GMPS: variants seen among roughly 807,000 people sequenced by gnomAD.
GMPS encodes GMP synthase [glutamine-hydrolyzing].
A neutral mutation model predicts 77.9 loss-of-function variants in GMPS; 15 were observed. The observed-to-expected ratio is 0.19, with a 90% CI of 0.13 to 0.30. The LOEUF (loss-of-function observed/expected upper bound fraction) is 0.30. Ranked by LOEUF, GMPS falls within the 10% of genes least tolerant of loss-of-function variation. GMPS has a pLI of 1.00. For missense variants in GMPS, 590 were observed against 838.8 expected (o/e 0.70, Z 3.66); for synonymous variants, 224 against 275.9 (o/e 0.81, Z 1.86).
chr3:155,894,963 T>G (rs1321241174), intron 2 of GMPS, among the ~76,000 whole-genome samples: 1 of 151,936 alleles, frequency 6.6e-6, no homozygotes, highest in Non-Finnish European at 1.5e-5. Context: ...ATCAAAAAAC[T>G]CTGTGATAAA....
rs138942034 is a variant in GMPS at position 155,897,314 on chromosome 3, A to G, written c.210-613A>G. On this transcript the variant is annotated intron_variant, in intron 2 of 15. Transcript: ENST00000496455. ...AGTTAACCCATGCTCTGCAAATTAT[A>G]AGATAGCTAAATTATACTACTGACC... is the stretch of plus-strand genomic sequence containing the variant. Among the ~76,000 whole-genome samples, 10 of 152,278 alleles carry G rather than the reference A, an allele frequency of 6.6e-5. No homozygotes were observed. The East Asian group carries it at 1.9e-3, about 29-fold the overall frequency.
intron 3 of GMPS, among the ~76,000 whole-genome samples, chr3:155,901,850 A>G (rs1754745219): frequency 6.6e-6 from 1 of 151,990 alleles, no homozygotes; most frequent in African/African-American, 2.4e-5. Context: ...CTGGATACTA[A>G]ACTTTTCCCA....
rs1754685006 is a variant in GMPS at position 155,899,583 on chromosome 3, A to G, written c.324+1542A>G. On this transcript the variant is annotated intron_variant, in intron 3 of 15. Coordinates refer to ENST00000496455, the MANE Select transcript of GMPS (RefSeq NM_003875.3). ...CCCACACCAGAGTGATACATTTGAT[A>G]TAACTGATGAACCTACATCAACACA... is the stretch of plus-strand genomic sequence containing the variant. 2.0e-5 allele frequency among the ~76,000 whole-genome samples: 3 copies of G among 152,224 alleles called. No homozygotes were observed. The South Asian group carries it at 6.2e-4, about 31-fold the overall frequency.
In GMPS at chr3:155,910,697, G is replaced by A; in HGVS notation, c.532G>A (p.Ala178Thr). 1 of 1,549,778 alleles carries A rather than the reference G, an allele frequency of 6.5e-7. No individual in the cohort carries two copies. ...TGACTATTTTCTCTATAAAGGCATA[G>A]CAAATGAATCTAAAAAGTTATATGG... The part of the protein sequence containing the change: ...ARSGNIVAGI[A>T]NESKKLYGAQ... Residue 178 changes from alanine (A) to threonine (T), a missense_variant, in exon 6 of 16, where the codon GCA becomes ACA. Physicochemically the swap from Ala to Thr is moderately conservative, Grantham distance 58. Around this residue, in one of 6 missense-constraint regions of GMPS, gnomAD observed 136 missense variants for 225.6 expected, o/e 0.60. Transcript: ENST00000496455.
intron 10 of GMPS, among the ~76,000 whole-genome samples, chr3:155,920,058 A>G (rs1393194754): frequency 1.3e-5 from 2 of 152,208 alleles, no homozygotes; most frequent in African/African-American, 4.8e-5. Context: ...TCTATGTGCT[A>G]GGCACTCTGC....
chr3:155,903,372 C>T (rs1010491285), intron 3 of GMPS, among the ~76,000 whole-genome samples: 2 of 152,214 alleles, frequency 1.3e-5, no homozygotes, highest in African/African-American at 4.8e-5. Context: ...CTTATCCCAT[C>T]TCTATAGCAC....
intron 1 of GMPS, among the ~76,000 whole-genome samples, chr3:155,879,446 T>A (rs1298576491): frequency 6.6e-6 from 1 of 151,776 alleles, no homozygotes; most frequent in East Asian, 1.9e-4. Flanking sequence ...TTTGTACTTT[T>A]AGTAGAGTTG....
At chr3:155,921,495 G>T (rs1353937795) in intron 10 of GMPS, among the ~76,000 whole-genome samples, 1 of 152,092 alleles carries the variant, frequency 6.6e-6, no homozygotes, top group Non-Finnish European at 1.5e-5. Flanking sequence ...ATAATTTTGT[G>T]ATACTTAATA....
At chr3:155,925,486 C>T (rs1351950997) in intron 12 of GMPS, 120 bp downstream of exon 12, 2 of 618,144 alleles carry the variant, frequency 3.2e-6, no homozygotes, top group East Asian at 3.0e-5. Context: ...CTCATTGCAA[C>T]CTCCGCCTCC....
intron 14 of GMPS, among the ~76,000 whole-genome samples, chr3:155,935,531 C>T (rs552159423): frequency 6.6e-6 from 1 of 152,186 alleles, no homozygotes; most frequent in Non-Finnish European, 1.5e-5. Context: ...AAATATATTC[C>T]CCTTTGTGGC....
intron 10 of GMPS, 46 bp from the exon 11 acceptor site, chr3:155,922,141 G>T: frequency 1.4e-6 from 1 of 724,052 alleles, no homozygotes; most frequent in South Asian, 2.2e-5. Flanking sequence ...TTTTATATTA[G>T]AAATATAACA....
At chr3:155,889,112 A>T (rs970230941) in intron 1 of GMPS, among the ~76,000 whole-genome samples, 1 of 152,114 alleles carries the variant, frequency 6.6e-6, no homozygotes, top group Non-Finnish European at 1.5e-5. Flanking sequence ...GTTTTCCTCA[A>T]CTTTTAGAAG....
intron 3 of GMPS, 44 bp from the exon 4 acceptor site, chr3:155,903,819 T>G (rs1754792793): frequency 1.2e-6 from 1 of 803,594 alleles, no homozygotes; most frequent in African/African-American, 1.7e-5. Flanking sequence ...AAATGGGTAT[T>G]TTTCTTTTGA....
At chr3:155,900,696 C>T (rs993220188) in intron 3 of GMPS, among the ~76,000 whole-genome samples, 7 of 152,152 alleles carry the variant, frequency 4.6e-5, no homozygotes, top group African/African-American at 1.7e-4. Flanking sequence ...AAAGCCAGGC[C>T]TGCTGATGTT....
At chr3:155,904,056 C>G in intron 4 of GMPS, 96 bp downstream of exon 4, 1 of 602,228 alleles carries the variant, frequency 1.7e-6, no homozygotes, top group Non-Finnish European at 2.9e-6. Context: ...AATTCATAAA[C>G]AAAATTAAGG....
rs191988124 is a variant in GMPS, at chr3:155,909,984, C to A, written c.527-708C>A. 1.2e-4 allele frequency among the ~76,000 whole-genome samples: 19 copies of A among 152,204 alleles called. No individual in the cohort carries two copies. The East Asian group carries it at 3.3e-3, about 26-fold the overall frequency. ...AATAGGCCGGGCGCAGTGGCTCACG[C>A]CTGTAATCCCAGCACTTTGGGAGGC... On this transcript the variant is annotated intron_variant, in intron 5 of 15. Coordinates refer to ENST00000496455, the MANE Select transcript of GMPS (RefSeq NM_003875.3).
chr3:155,913,003 G>T (rs888713181), intron 7 of GMPS, among the ~76,000 whole-genome samples: 4 of 152,194 alleles, frequency 2.6e-5, no homozygotes, highest in African/African-American at 9.7e-5. Context: ...GGGGCTAAAC[G>T]AGAGGTTCTG....
chr3:155,870,655 G>A lies in GMPS; in HGVS notation c.-216G>A, dbSNP rs1024874117. The stretch of plus-strand genomic sequence containing the variant: ...CGGAAGCAGGAGGCGGGGGCAGCGT[G>A]CGCGCTGCTGGTCTTCTCTCCCGCG... On this transcript the variant is annotated 5_prime_UTR_variant, in exon 1 of 16. Transcript: ENST00000496455. 13 of 477,466 alleles carry A rather than the reference G, an allele frequency of 2.7e-5. No individual in the cohort carries two copies. Among genetic ancestry groups the A allele is most frequent in the Non-Finnish European group, 4.5e-5 (12 of 267,984 alleles). 29.6% of individuals were successfully genotyped at this position (477,466 alleles called of 1,614,324 possible).
intron 1 of GMPS, among the ~76,000 whole-genome samples, chr3:155,881,164 G>GTTT (rs11334499): frequency 1.8e-3 from 95 of 52,920 alleles, no homozygotes; most frequent in Non-Finnish European, 2.3e-3. Context: ...TTTGATATTA[G>GTTT]TTTTTTTTTT....
Sources: gnomAD v4.1 joint callset for allele counts (sites outside exome capture counted in the v4.1 genomes callset) on GRCh38, gnomAD v4.1.1 for gene constraint, gnomAD v4.1.1 regional missense constraint, MANE v1.5 for transcripts, NCBI Gene and HGNC (gene_info 2026-07-23, HGNC 2026-07-21) for gene names.